Variants in STARD13 observed in about 807,000 individuals in gnomAD.
The protein encoded by STARD13 is stAR-related lipid transfer protein 13.
Under a neutral mutation model 106.4 loss-of-function variants are expected in STARD13, and 62 were observed. The observed-to-expected ratio is 0.58, with a 90% CI of 0.48 to 0.72. The LOEUF is 0.72. STARD13 is among the 30% of genes least tolerant of loss of function. The pLI is 0.00. For missense variants in STARD13, 1,387 were observed against 1,424.0 expected (o/e 0.97, Z 0.42); for synonymous variants, 565 against 553.0 (o/e 1.02, Z -0.31).
chr13:33,215,060 A>T (rs907474938), intron 1 of STARD13, among the ~76,000 whole-genome samples: 1 of 140,734 alleles, frequency 7.1e-6, no homozygotes, highest in African/African-American at 2.7e-5. Flanking sequence ...TGAACAAGAA[A>T]ATGCTTTGCC....
At chr13:33,606,282 C>T in the STARD13 span, among the ~76,000 whole-genome samples, 1 of 151,850 alleles carries the variant, frequency 6.6e-6, no homozygotes, top group Non-Finnish European at 1.5e-5. Flanking sequence ...GCCTGGGCAA[C>T]AAGAGCAAAA....
intron 1 of STARD13, among the ~76,000 whole-genome samples, chr13:33,320,035 G>T (rs1893497710): frequency 1.3e-5 from 2 of 152,170 alleles, no homozygotes; most frequent in South Asian, 4.1e-4. Flanking sequence ...GCCTACTGTT[G>T]TAAATGTTAA....
chr13:33,429,905 T>C, the STARD13 span, among the ~76,000 whole-genome samples: 1 of 147,798 alleles, frequency 6.8e-6, no homozygotes, highest in African/African-American at 2.5e-5. Context: ...TAATCAATAA[T>C]AACTTAATTG....
the STARD13 span, among the ~76,000 whole-genome samples, chr13:33,510,799 A>C: frequency 6.6e-6 from 1 of 152,174 alleles, no homozygotes; most frequent in Non-Finnish European, 1.5e-5. Flanking sequence ...GAACTTCTAA[A>C]TCTAGTCATA....
the STARD13 span, among the ~76,000 whole-genome samples, chr13:33,463,203 T>C: frequency 6.6e-6 from 1 of 152,154 alleles, no homozygotes; most frequent in Non-Finnish European, 1.5e-5. Flanking sequence ...GCAACTTTTA[T>C]TGAAGTGCCA....
At chr13:33,113,466 G>C (rs1874915086) in intron 8 of STARD13, 1 of 483,334 alleles carries the variant, frequency 2.1e-6, no homozygotes, top group East Asian at 5.9e-5. Context: ...CAATTCACCG[G>C]GAGTGGTGTT....
At chr13:33,422,248 T>A in the STARD13 span, among the ~76,000 whole-genome samples, 2 of 152,238 alleles carry the variant, frequency 1.3e-5, no homozygotes, top group Admixed American at 6.5e-5. Context: ...TTCGGTAAAG[T>A]CTCAGGATAC....
chr13:33,546,757 C>A, the STARD13 span, among the ~76,000 whole-genome samples: 23 of 152,140 alleles, frequency 1.5e-4, no homozygotes, highest in South Asian at 4.4e-3. Flanking sequence ...GATTCTCCTG[C>A]CTCAGCTTCC....
At chr13:33,124,282 G>A (rs1280093289) in intron 7 of STARD13, among the ~76,000 whole-genome samples, 1 of 152,206 alleles carries the variant, frequency 6.6e-6, no homozygotes. Context: ...TCCAAGGCTG[G>A]AAGCCCTGCC....
chr13:33,157,499 C>T (rs954613409), intron 3 of STARD13, among the ~76,000 whole-genome samples: 5 of 152,066 alleles, frequency 3.3e-5, no homozygotes, highest in Admixed American at 2.6e-4. Context: ...GAAACCCCAT[C>T]GCTAATAAAA....
chr13:33,374,780 T>C, the STARD13 span, among the ~76,000 whole-genome samples: 2 of 152,196 alleles, frequency 1.3e-5, no homozygotes, highest in African/African-American at 4.8e-5. Flanking sequence ...ATTTTAGAGC[T>C]GTGATTTCTC....
At chr13:33,182,103 ACAC>A (rs943188616) in intron 1 of STARD13, among the ~76,000 whole-genome samples, 1 of 152,244 alleles carries the variant, frequency 6.6e-6, no homozygotes. Context: ...TGCACACACC[ACAC>A]ATGTACACAC....
the STARD13 span, among the ~76,000 whole-genome samples, chr13:33,632,592 G>A: frequency 6.6e-6 from 1 of 152,038 alleles, no homozygotes; most frequent in Admixed American, 6.6e-5. Context: ...AAAAGCTTTT[G>A]GTGCTTTCGT....
At chr13:33,581,399 C>T in the STARD13 span, among the ~76,000 whole-genome samples, 1 of 152,076 alleles carries the variant, frequency 6.6e-6, no homozygotes, top group South Asian at 2.1e-4. Flanking sequence ...AAGATCAACT[C>T]TATAATTTGT....
At chr13:33,673,947 A>G in the STARD13 span, among the ~76,000 whole-genome samples, 1 of 147,640 alleles carries the variant, frequency 6.8e-6, no homozygotes, top group Non-Finnish European at 1.5e-5. Context: ...GGCAACCTCC[A>G]CCTCCTGGGT....
chr13:33,202,560 G>C (rs1429576423), intron 1 of STARD13, among the ~76,000 whole-genome samples: 2 of 152,202 alleles, frequency 1.3e-5, no homozygotes, highest in Non-Finnish European at 2.9e-5. Flanking sequence ...TAGGGAGGAA[G>C]GAAGATGTGT....
At chr13:33,186,945 G>A (rs1039372153) in intron 1 of STARD13, among the ~76,000 whole-genome samples, 2 of 152,172 alleles carry the variant, frequency 1.3e-5, no homozygotes, top group Non-Finnish European at 2.9e-5. Context: ...TCACAGCAAC[G>A]CTCTTAAGTG....
At chr13:33,192,651 C>T (rs1886332196) in intron 1 of STARD13, among the ~76,000 whole-genome samples, 1 of 152,150 alleles carries the variant, frequency 6.6e-6, no homozygotes, top group Non-Finnish European at 1.5e-5. Flanking sequence ...GTAATCTCAG[C>T]AATTTGGGAG....
At chr13:33,459,437 G>A in the STARD13 span, among the ~76,000 whole-genome samples, 3 of 152,096 alleles carry the variant, frequency 2.0e-5, no homozygotes, top group Non-Finnish European at 4.4e-5. Flanking sequence ...TAATTAGTTT[G>A]TTCTTCTTTA....
Sources: allele counts gnomAD v4.1 joint callset (sites outside exome capture counted in the v4.1 genomes callset), GRCh38; gene constraint gnomAD v4.1.1; transcripts MANE v1.5; gene names NCBI Gene and HGNC (gene_info 2026-07-23, HGNC 2026-07-21).